Variants in KCND2 observed in about 807,000 individuals in gnomAD.
The protein encoded by KCND2 is A-type voltage-gated potassium channel KCND2.
A neutral mutation model predicts 54.4 loss-of-function variants in KCND2; 16 were observed. The observed-to-expected ratio is 0.29, with a 90% CI of 0.20 to 0.45. The LOEUF is 0.45. Among genes scored for constraint, KCND2 ranks in the 20% least tolerant of loss-of-function variants. The probability of loss-of-function intolerance (pLI) is 1.00; values close to 1 mark genes in which losing one functional copy is unlikely to be tolerated. For synonymous variants in KCND2, 317 were observed against 310.7 expected (o/e 1.02, Z -0.21); for missense variants, 486 against 824.2 (o/e 0.59, Z 5.02).
chr7:120,370,477 C>G (rs1022090120), intron 1 of KCND2, among the ~76,000 whole-genome samples: 3 of 151,916 alleles, frequency 2.0e-5, no homozygotes, highest in Non-Finnish European at 2.9e-5. Context: ...CAGACAGACA[C>G]AAAAGTACAT....
chr7:120,301,700 T>A (rs974577581), intron 1 of KCND2, among the ~76,000 whole-genome samples: 4 of 152,166 alleles, frequency 2.6e-5, no homozygotes, highest in Non-Finnish European at 5.9e-5. Context: ...ATATTTGAAC[T>A]TTTTCAACTT....
intron 2 of KCND2, among the ~76,000 whole-genome samples, chr7:120,740,025 T>C (rs1285730139): frequency 6.6e-6 from 1 of 152,050 alleles, no homozygotes; most frequent in East Asian, 1.9e-4. Context: ...AAAAATGAGG[T>C]GGATCTTTAT....
At chr7:120,489,558 C>A (rs1802746237) in intron 1 of KCND2, among the ~76,000 whole-genome samples, 1 of 152,124 alleles carries the variant, frequency 6.6e-6, no homozygotes, top group African/African-American at 2.4e-5. Flanking sequence ...GATGGATCCT[C>A]CAACTTGCTG....
chr7:120,595,502 T>A (rs1209116544), intron 1 of KCND2, among the ~76,000 whole-genome samples: 5 of 145,216 alleles, frequency 3.4e-5, no homozygotes, highest in African/African-American at 1.3e-4. Context: ...TATATATGTG[T>A]GTGTGTGTAT....
chr7:120,358,370 C>A (rs1800538790), intron 1 of KCND2, among the ~76,000 whole-genome samples: 1 of 152,058 alleles, frequency 6.6e-6, no homozygotes, highest in Non-Finnish European at 1.5e-5. Context: ...ATTTTCAATG[C>A]ATAAATCTGC....
chr7:120,653,015 T>C (rs1312632828), intron 1 of KCND2, among the ~76,000 whole-genome samples: 1 of 152,068 alleles, frequency 6.6e-6, no homozygotes, highest in Non-Finnish European at 1.5e-5. Flanking sequence ...GAAGAGCTGA[T>C]CCACTAAACA....
intron 1 of KCND2, among the ~76,000 whole-genome samples, chr7:120,512,614 CG>C (rs1803135755): frequency 6.6e-6 from 1 of 151,840 alleles, no homozygotes; most frequent in African/African-American, 2.4e-5. Flanking sequence ...AATATGTAGA[CG>C]GGTTCATTTA....
intron 1 of KCND2, among the ~76,000 whole-genome samples, chr7:120,277,048 T>A (rs1263452709): frequency 6.6e-6 from 1 of 152,126 alleles, no homozygotes; most frequent in African/African-American, 2.4e-5. Flanking sequence ...CTTAATTTTA[T>A]TAGACATATT....
chr7:120,364,246 T>G (rs1020640116), intron 1 of KCND2, among the ~76,000 whole-genome samples: 5 of 152,198 alleles, frequency 3.3e-5, no homozygotes, highest in African/African-American at 1.2e-4. Flanking sequence ...GGCCAAGTTC[T>G]CTGGGGGGAA....
At chr7:120,433,192 G>T (rs1384451046) in intron 1 of KCND2, among the ~76,000 whole-genome samples, 2 of 152,128 alleles carry the variant, frequency 1.3e-5, no homozygotes, top group African/African-American at 4.8e-5. Context: ...TTCCCAGCAG[G>T]GGTGAAGAAC....
At chr7:120,661,111 C>G (rs1791860277) in intron 1 of KCND2, among the ~76,000 whole-genome samples, 1 of 152,086 alleles carries the variant, frequency 6.6e-6, no homozygotes, top group African/African-American at 2.4e-5. Flanking sequence ...ATATCTCAAG[C>G]TAAATAATGA....
intron 1 of KCND2, among the ~76,000 whole-genome samples, chr7:120,540,797 A>G (rs2116380076): frequency 6.6e-6 from 1 of 152,100 alleles, no homozygotes; most frequent in Admixed American, 6.5e-5. Context: ...GTTTCTTTGA[A>G]TAGGATTCAC....
chr7:120,630,238 C>T (rs1336328513), intron 1 of KCND2, among the ~76,000 whole-genome samples: 1 of 152,180 alleles, frequency 6.6e-6, no homozygotes, highest in African/African-American at 2.4e-5. Context: ...GAGGCAATCA[C>T]TCTTTGGTGA....
At chr7:120,707,214 T>C (rs1792480042) in intron 1 of KCND2, among the ~76,000 whole-genome samples, 1 of 152,184 alleles carries the variant, frequency 6.6e-6, no homozygotes, top group Admixed American at 6.6e-5. Context: ...ACAAACCAGC[T>C]GTTGGCTAGT....
Position 120,383,485 on chromosome 7 carries a change from C to G in KCND2, c.1115+107738C>G, listed in dbSNP as rs567799955. On this transcript the variant is annotated intron_variant, in intron 1 of 5. Transcript: ENST00000331113. ...TGGAGAATTTTAAATGCATGTGAAG[C>G]CTTATAGTGCACTCACTATATGGAA... Among the ~76,000 whole-genome samples the G allele has an allele frequency of 6.6e-5, 10 of 150,808 alleles. No individual in the cohort carries two copies. The South Asian group carries it at 1.9e-3, about 28-fold the overall frequency.
chr7:120,701,720 AATG>A (rs1792404924), intron 1 of KCND2, among the ~76,000 whole-genome samples: 1 of 152,152 alleles, frequency 6.6e-6, no homozygotes, highest in Non-Finnish European at 1.5e-5. Context: ...TTATTTAATA[AATG>A]GTGTTGGGAA....
intron 1 of KCND2, among the ~76,000 whole-genome samples, chr7:120,679,207 A>C (rs1048756757): frequency 1.4e-4 from 21 of 151,976 alleles, no homozygotes; most frequent in African/African-American, 4.3e-4. Context: ...TATATTTTTC[A>C]TCATAATCTT....
At chr7:120,630,521 A>AT (rs577841142) in intron 1 of KCND2, among the ~76,000 whole-genome samples, 1 of 152,132 alleles carries the variant, frequency 6.6e-6, no homozygotes, top group Non-Finnish European at 1.5e-5. Context: ...AAATGTTCGG[A>AT]TTTTTTATAT....
chr7:120,465,952 TA>T (rs780083660), intron 1 of KCND2, among the ~76,000 whole-genome samples: 76 of 152,108 alleles, frequency 5.0e-4, no homozygotes, highest in Non-Finnish European at 2.5e-4. Flanking sequence ...ATATTAGTTT[TA>T]AAAGGGTAGA....
Sources: allele counts gnomAD v4.1 joint callset (sites outside exome capture counted in the v4.1 genomes callset), GRCh38; gene constraint gnomAD v4.1.1; transcripts MANE v1.5; gene names NCBI Gene and HGNC (gene_info 2026-07-23, HGNC 2026-07-21).